GGA2: variants seen among roughly 807,000 people sequenced by gnomAD.
The protein encoded by GGA2 is ADP-ribosylation factor-binding protein GGA2.
GGA2 carries 48 observed loss-of-function variants against 79.5 expected under a neutral mutation model. That is an observed-to-expected ratio of 0.60 (90% CI 0.48 to 0.77). The LOEUF (loss-of-function observed/expected upper bound fraction) is 0.77, where lower values mean the gene tolerates loss of function less well. Ranked by LOEUF, GGA2 falls within the 30% of genes least tolerant of loss-of-function variation. The pLI is 0.00. For synonymous variants in GGA2, 317 were observed against 302.0 expected, an observed-to-expected ratio of 1.05 and a Z score of -0.51; for missense variants, 770 against 774.0, an observed-to-expected ratio of 0.99 and a Z score of 0.06.
At chr16:23,478,178 AAC>A (rs1307911390) in intron 13 of GGA2, among the ~76,000 whole-genome samples, 188 bp downstream of exon 13, 1 of 150,906 alleles carries the variant, frequency 6.6e-6, no homozygotes, top group Non-Finnish European at 1.5e-5. Context: ...TAGCCTGGGC[AAC>A]AGAGTGAGAC....
At position 23,493,864 on chromosome 16, in the gene GGA2, C is replaced by T. The variant is rs1964821240; in HGVS notation, c.253-406G>A. 3 of 294,776 alleles carry T rather than the reference C, an allele frequency of 1.0e-5. No individual in the cohort carries two copies. The Admixed American group carries it at 1.4e-4, about 14-fold the overall frequency. The allele number at this position is 294,776 out of a possible 1,614,324, so 18.3% of individuals were successfully genotyped here. On this transcript the variant is annotated intron_variant, in intron 3 of 16. Coordinates refer to ENST00000309859, the MANE Select transcript of GGA2 (RefSeq NM_015044.4). ...CAAGCTGAGCCTGCAGACCCCTCCTCTCGTCCATACTGTGGCTTTCAACAC... is the reference window on the plus strand; with the variant it reads ...CAAGCTGAGCCTGCAGACCCCTCCTTTCGTCCATACTGTGGCTTTCAACAC...
chr16:23,474,648 G>A (rs1473871629), intron 14 of GGA2, among the ~76,000 whole-genome samples: 2 of 151,632 alleles, frequency 1.3e-5, no homozygotes, highest in Non-Finnish European at 2.9e-5. Flanking sequence ...ATAGAGACAA[G>A]GCTATGTCGC....
intron 8 of GGA2, 25 bp from the exon 9 acceptor site, chr16:23,483,029 G>GACAC: frequency 6.6e-7 from 1 of 1,521,256 alleles, no homozygotes; most frequent in Non-Finnish European, 9.1e-7. Context: ...CTTGGTTCAT[G>GACAC]ACACACGCCC....
intron 7 of GGA2, among the ~76,000 whole-genome samples, 186 bp from the exon 8 acceptor site, chr16:23,486,338 A>G (rs1225894011): frequency 2.0e-5 from 3 of 152,108 alleles, no homozygotes; most frequent in East Asian, 3.9e-4. Flanking sequence ...TGGGGAGGAA[A>G]ATGCAGTTTG....
At chr16:23,523,667 A>G (rs751416305), upstream of GGA2, 5 of 152,286 alleles carry the variant, frequency 3.3e-5, no homozygotes, top group Admixed American at 2.0e-4. Flanking sequence ...TACGGGCTGA[A>G]TTCTGTCCCC....
chr16:23,503,103 A>ACCTTT (rs1168122826), intron 1 of GGA2, among the ~76,000 whole-genome samples: 1 of 152,108 alleles, frequency 6.6e-6, no homozygotes, highest in Non-Finnish European at 1.5e-5. Context: ...TCTGGGAGTT[A>ACCTTT]CCTTTCCTTT....
intron 3 of GGA2, 64 bp downstream of exon 3, chr16:23,494,239 C>T (rs902754673): frequency 2.5e-5 from 26 of 1,042,348 alleles, no homozygotes; most frequent in Middle Eastern, 2.0e-4. Context: ...GGAAGCAAAG[C>T]GCCTCTCGGC....
intron 9 of GGA2, among the ~76,000 whole-genome samples, chr16:23,482,648 C>T (rs955114221): frequency 6.6e-6 from 1 of 152,166 alleles, no homozygotes; most frequent in Non-Finnish European, 1.5e-5. Flanking sequence ...TTTCCTGAAG[C>T]CTCCAGTGGG....
rs1408817959 is a variant in GGA2, at chr16:23,467,687, A to G, written c.1745T>C (p.Leu582Ser). The G allele has an allele frequency of 6.3e-7, 1 of 1,584,578 alleles. No individual in the cohort carries two copies. Among genetic ancestry groups the G allele is most frequent in the East Asian group, 2.2e-5 (1 of 44,758 alleles). The stretch of plus-strand genomic sequence containing the variant: ...TTGGTTGAATGTCAGCTTGTACCGT[A>G]AGCGGATAGGTTCCTGGGACAGAAG... ...LDNPHKEPIR[L>S]RYKLTFNQGG... The change falls in exon 17 of 17, where the codon TTA becomes TCA. Residue 582 changes from leucine (L) to serine (S), a missense_variant. Coordinates refer to ENST00000309859, the MANE Select transcript of GGA2 (RefSeq NM_015044.4).
At chr16:23,494,183 T>G in intron 3 of GGA2, 120 bp downstream of exon 3, 1 of 730,460 alleles carries the variant, frequency 1.4e-6, no homozygotes, top group Non-Finnish European at 2.5e-6. Flanking sequence ...GCTGTGAAGG[T>G]AAACCTCTCA....
intron 1 of GGA2, among the ~76,000 whole-genome samples, chr16:23,509,171 C>T (rs1017297841): frequency 6.6e-6 from 1 of 152,186 alleles, no homozygotes; most frequent in Non-Finnish European, 1.5e-5. Flanking sequence ...AAACAGCAAC[C>T]CCGCCCTCGG....
chr16:23,464,996 C>A lies in GGA2; in HGVS notation c.*2594G>T, dbSNP rs564172765. ...AAAGAGCAGTCACGGAGGTAGGTCA[C>A]GAAATGGGTCAACAGGACCCCCGAA... On this transcript the variant is annotated 3_prime_UTR_variant, in exon 17 of 17. Transcript: ENST00000309859. The A allele has an allele frequency of 2.6e-4, 77 of 299,992 alleles. 1 individual carries two copies. The Admixed American group carries it at 3.5e-3, about 13-fold the overall frequency. The allele number at this position is 299,992 out of a possible 1,614,324, so 18.6% of individuals were successfully genotyped here.
At chr16:23,487,062 A>G in intron 6 of GGA2, among the ~76,000 whole-genome samples, 1 of 147,400 alleles carries the variant, frequency 6.8e-6, no homozygotes. Flanking sequence ...ACTCACTGCA[A>G]CCTCTGCCTC....
At chr16:23,511,038 T>TGTGTGTGTGTGTGC (rs1289850381), upstream of GGA2, among the ~76,000 whole-genome samples, 1 of 150,850 alleles carries the variant, frequency 6.6e-6, no homozygotes, top group African/African-American at 2.5e-5. Context: ...TGTGTGTGTG[T>TGTGTGTGTGTGTGC]GTGTGTGTGT....
At chr16:23,493,948 C>A (rs1159208940) in intron 3 of GGA2, 1 of 336,356 alleles carries the variant, frequency 3.0e-6, no homozygotes, top group Non-Finnish European at 5.5e-6. Flanking sequence ...AAACTAGCAA[C>A]CCTGAGCCCA....
chr16:23,491,140 T>G (rs1964780095), intron 5 of GGA2, among the ~76,000 whole-genome samples: 1 of 151,284 alleles, frequency 6.6e-6, no homozygotes, highest in African/African-American at 2.4e-5. Flanking sequence ...GGTGGGAGAA[T>G]AATAATAAAT....
chr16:23,488,841 A>C, intron 5 of GGA2, 132 bp from the exon 6 acceptor site: 1 of 611,270 alleles, frequency 1.6e-6, no homozygotes, highest in Non-Finnish European at 2.9e-6. Flanking sequence ...GCCTTCAAAG[A>C]CAACACCCAG....
chr16:23,483,324 T>C (rs1771015565), intron 8 of GGA2, among the ~76,000 whole-genome samples: 2 of 152,134 alleles, frequency 1.3e-5, no homozygotes, highest in Admixed American at 1.3e-4. Flanking sequence ...CTGGCCAACA[T>C]GGTGAAACCC....
intron 1 of GGA2, among the ~76,000 whole-genome samples, chr16:23,507,920 G>A (rs1368878480): frequency 5.9e-5 from 9 of 151,946 alleles, no homozygotes; most frequent in African/African-American, 2.2e-4. Context: ...AGATCATGCC[G>A]CTGCACTCCA....
Sources: gnomAD v4.1 joint callset for allele counts (sites outside exome capture counted in the v4.1 genomes callset) on GRCh38, gnomAD v4.1.1 for gene constraint, MANE v1.5 for transcripts, NCBI Gene and HGNC (gene_info 2026-07-23, HGNC 2026-07-21) for gene names.